The following RGS6 variants were observed in gnomAD, a reference collection of about 807,000 sequenced individuals.
RGS6 encodes regulator of G protein signaling 6.
RGS6 carries 30 observed loss-of-function variants against 78.5 expected under a neutral mutation model. The observed-to-expected ratio is 0.38, with a 90% CI of 0.29 to 0.52. The LOEUF (loss-of-function observed/expected upper bound fraction) is 0.52. Ranked by LOEUF, RGS6 falls within the 20% of genes least tolerant of loss-of-function variation. The pLI, the probability that RGS6 is intolerant of heterozygous loss-of-function variation, is 0.85. For synonymous variants in RGS6, 206 were observed against 206.0 expected (o/e 1.00, Z 0.00); for missense variants, 495 against 609.7 (o/e 0.81, Z 1.98).
chr14:72,458,522 C>T, intron 5 of RGS6, 145 bp downstream of exon 5: 1 of 635,464 alleles, frequency 1.6e-6, no homozygotes, highest in African/African-American at 1.8e-5. Flanking sequence ...GAGAACTTTT[C>T]TCTGGGCCAC....
intron 3 of RGS6, among the ~76,000 whole-genome samples, chr14:72,424,786 C>A (rs2238191): frequency 0.47 from 71,938 of 152,052 alleles, 17,849 homozygotes; most frequent in East Asian, 0.82. Context: ...CAGATCCAGG[C>A]ATCTGAGTTC....
At chr14:72,242,839 CTTTTTTTTTTTTTT>C (rs35675211) in intron 2 of RGS6, among the ~76,000 whole-genome samples, 3 of 69,134 alleles carry the variant, frequency 4.3e-5, no homozygotes, top group East Asian at 1.1e-3. Flanking sequence ...CATTTCTTTT[CTTTTTTTTTTTTTT>C]TTTTTTTTTT....
Position 72,143,850 on chromosome 14 carries a change from T to C in RGS6, c.84+178975T>C, listed in dbSNP as rs117017996. 7.0e-4 allele frequency among the ~76,000 whole-genome samples: 107 copies of C among 152,336 alleles called. 1 individual carries two copies. In the East Asian group the frequency reaches 0.018, roughly 26 times the overall value. Reference sequence around the variant, plus strand: ...GTAATAAAACATAATGCAGGAAAGATAGCATTTAATAAAATATTTGTTTAA... The same window carrying C: ...GTAATAAAACATAATGCAGGAAAGACAGCATTTAATAAAATATTTGTTTAA... On this transcript the variant is annotated intron_variant, in intron 2 of 17. Coordinates refer to ENST00000553525, the MANE Select transcript of RGS6 (RefSeq NM_001204424.2).
At chr14:71,997,225 C>A (rs184818217) in intron 2 of RGS6, among the ~76,000 whole-genome samples, 1 of 152,196 alleles carries the variant, frequency 6.6e-6, no homozygotes, top group East Asian at 1.9e-4. Flanking sequence ...GATGCTCAGG[C>A]CTCCAGGGGA....
chr14:72,080,857 T>C (rs2094792919), intron 2 of RGS6, among the ~76,000 whole-genome samples: 1 of 152,198 alleles, frequency 6.6e-6, no homozygotes, highest in African/African-American at 2.4e-5. Context: ...CTGGGCTTTC[T>C]ACCTTGTTCC....
At chr14:72,226,115 A>G (rs2048068162) in intron 2 of RGS6, among the ~76,000 whole-genome samples, 1 of 152,240 alleles carries the variant, frequency 6.6e-6, no homozygotes, top group South Asian at 2.1e-4. Context: ...AACTAAGAAT[A>G]AATAAAAATC....
At chr14:72,556,849 T>C (rs997671163) in intron 17 of RGS6, among the ~76,000 whole-genome samples, 1 of 152,248 alleles carries the variant, frequency 6.6e-6, no homozygotes, top group Non-Finnish European at 1.5e-5. Flanking sequence ...TCACTTTTCA[T>C]CTATCCCTTG....
chr14:72,511,851 C>G (rs932062370), intron 14 of RGS6: 4 of 152,186 alleles, frequency 2.6e-5, no homozygotes, highest in African/African-American at 7.2e-5. Context: ...TATACAAGAG[C>G]CTTTCCTTGT....
chr14:72,587,802 T>C, the RGS6 span, among the ~76,000 whole-genome samples: 5 of 152,168 alleles, frequency 3.3e-5, no homozygotes, highest in Admixed American at 2.0e-4. Context: ...GGTAAAACCT[T>C]GGGGCACAAC....
chr14:72,598,200 C>T, the RGS6 span, among the ~76,000 whole-genome samples: 1 of 152,236 alleles, frequency 6.6e-6, no homozygotes, highest in African/African-American at 2.4e-5. Flanking sequence ...CACCTAGAAC[C>T]TCCTGGCTGC....
rs1053646831 is a variant in RGS6 at position 72,228,205 on chromosome 14, C to A, written c.85-123890C>A. On this transcript the variant is annotated intron_variant, in intron 2 of 17. Coordinates refer to ENST00000553525, the MANE Select transcript of RGS6 (RefSeq NM_001204424.2). ...ATCTGCCTAGCCAACATGGTGAAAC[C>A]CCGTATCCACTAAAAATACAAAAAA... 5.3e-5 allele frequency among the ~76,000 whole-genome samples: 8 copies of A among 151,918 alleles called. No individual in the cohort carries two copies. In the South Asian group the frequency reaches 8.3e-4, roughly 16 times the overall value.
the RGS6 span, among the ~76,000 whole-genome samples, chr14:72,584,738 A>G: frequency 6.6e-6 from 1 of 152,240 alleles, no homozygotes; most frequent in Admixed American, 6.5e-5. Flanking sequence ...TGACTAGCTC[A>G]ACAACATTTA....
intron 2 of RGS6, among the ~76,000 whole-genome samples, chr14:71,994,442 A>T (rs2095106244): frequency 1.3e-5 from 2 of 152,094 alleles, no homozygotes; most frequent in Non-Finnish European, 1.5e-5. Context: ...AAGGTAAATG[A>T]CGACATACCT....
chr14:72,626,920 T>A, the RGS6 span, among the ~76,000 whole-genome samples: 2 of 151,112 alleles, frequency 1.3e-5, no homozygotes, highest in East Asian at 3.9e-4. Context: ...GTGAGTGCAT[T>A]TGAACTTTTT....
At chr14:72,253,172 C>T (rs1378405064) in intron 2 of RGS6, among the ~76,000 whole-genome samples, 2 of 152,210 alleles carry the variant, frequency 1.3e-5, no homozygotes, top group African/African-American at 2.4e-5. Flanking sequence ...CGTGCTTAGG[C>T]TGTAAGAGCC....
intron 2 of RGS6, among the ~76,000 whole-genome samples, chr14:72,325,505 T>C (rs1384785059): frequency 6.6e-6 from 1 of 152,230 alleles, no homozygotes; most frequent in Non-Finnish European, 1.5e-5. Flanking sequence ...TTTAAGTCTT[T>C]AATCCGTCTT....
intron 15 of RGS6, among the ~76,000 whole-genome samples, chr14:72,523,083 G>A (rs1276045739): frequency 6.6e-6 from 1 of 152,210 alleles, no homozygotes; most frequent in Non-Finnish European, 1.5e-5. Context: ...CAGCAAAGTA[G>A]GTGCAGTTCA....
chr14:72,101,611 T>G (rs2095529948), intron 2 of RGS6, among the ~76,000 whole-genome samples: 1 of 152,206 alleles, frequency 6.6e-6, no homozygotes, highest in South Asian at 2.1e-4. Context: ...GAGGGGTTGC[T>G]GCCTGGGAAA....
chr14:72,055,493 C>CT (rs969131469), intron 2 of RGS6, among the ~76,000 whole-genome samples: 2 of 152,168 alleles, frequency 1.3e-5, no homozygotes, highest in African/African-American at 4.8e-5. Context: ...AGTTATCTCA[C>CT]TACTAGTAGT....
Sources: allele counts gnomAD v4.1 joint callset (sites outside exome capture counted in the v4.1 genomes callset), GRCh38; gene constraint gnomAD v4.1.1; transcripts MANE v1.5; gene names NCBI Gene and HGNC (gene_info 2026-07-23, HGNC 2026-07-21).